Variants in HDAC9 observed in about 807,000 individuals in gnomAD.
The protein encoded by HDAC9 is MEF-2 interacting transcription repressor (MITR) protein.
A neutral mutation model predicts 139.4 loss-of-function variants in HDAC9; 41 were observed. The ratio of observed to expected loss-of-function variants is 0.29; its 90% confidence interval spans 0.23 to 0.38. HDAC9 has a LOEUF of 0.38. HDAC9 is among the 10% of genes least tolerant of loss of function. HDAC9 has a pLI of 1.00. For missense variants in HDAC9, 1,147 were observed against 1,297.0 expected, an observed-to-expected ratio of 0.88 and a Z score of 1.78; for synonymous variants, 517 against 476.2, an observed-to-expected ratio of 1.09 and a Z score of -1.12.
At chr7:18,843,918 G>A (rs1796746063) in intron 21 of HDAC9, among the ~76,000 whole-genome samples, 3 of 152,108 alleles carry the variant, frequency 2.0e-5, no homozygotes, top group Admixed American at 1.3e-4. Flanking sequence ...TCAACTGAAG[G>A]TCTGTTCAGA....
intron 1 of HDAC9, among the ~76,000 whole-genome samples, chr7:18,129,673 T>C (rs1040669263): frequency 1.3e-4 from 20 of 152,178 alleles, no homozygotes; most frequent in Non-Finnish European, 2.4e-4. Context: ...CTGGTTGTGG[T>C]ACTCACTCAT....
At chr7:18,414,411 C>G (rs1305359075) in intron 1 of HDAC9, among the ~76,000 whole-genome samples, 4 of 149,410 alleles carry the variant, frequency 2.7e-5, no homozygotes. Context: ...TTTGCATTGG[C>G]TGGCAGGAAA....
chr7:18,261,294 C>A (rs1391142556), intron 2 of HDAC9, among the ~76,000 whole-genome samples: 3 of 152,024 alleles, frequency 2.0e-5, no homozygotes, highest in Non-Finnish European at 4.4e-5. Context: ...TGTGGCAGAG[C>A]AAGACCCTGT....
intron 1 of HDAC9, among the ~76,000 whole-genome samples, chr7:18,326,004 A>G (rs1456630395): frequency 3.9e-5 from 6 of 152,130 alleles, no homozygotes; most frequent in Non-Finnish European, 7.4e-5. Context: ...TTGTTAAGCC[A>G]CACATCACTG....
chr7:18,465,126 C>T (rs1010517555), intron 1 of HDAC9, among the ~76,000 whole-genome samples: 4 of 152,042 alleles, frequency 2.6e-5, no homozygotes, highest in Middle Eastern at 3.4e-3. Flanking sequence ...TTACCTGATA[C>T]GCCATTATAT....
chr7:18,590,323 C>T lies in HDAC9; in HGVS notation c.265-13C>T. 4 of 1,611,792 alleles carry T rather than the reference C, an allele frequency of 2.5e-6. No individual in the cohort carries two copies. The highest frequency in any genetic ancestry group is 1.1e-5 in the South Asian group (1 of 90,502). ...AGAAATTGCACACTCTCATGTCTTT[C>T]TCTTCTCGCAAGTTGCAACAGGAAC... On this transcript the variant is annotated splice_polypyrimidine_tract_variant and intron_variant, in intron 3 of 25. Coordinates refer to ENST00000686413, the MANE Select transcript of HDAC9 (RefSeq NM_178425.4).
intron 8 of HDAC9, among the ~76,000 whole-genome samples, chr7:18,641,313 C>T (rs1168550097): frequency 6.6e-6 from 1 of 152,034 alleles, no homozygotes; most frequent in Non-Finnish European, 1.5e-5. Flanking sequence ...TAGGCCACCC[C>T]TACCCCAGCA....
intron 1 of HDAC9, among the ~76,000 whole-genome samples, chr7:18,158,090 A>G (rs977147210): frequency 6.6e-6 from 1 of 152,196 alleles, no homozygotes; most frequent in Non-Finnish European, 1.5e-5. Context: ...TATCAGATTT[A>G]AATAGACAAG....
chr7:18,683,605 G>T (rs149566565), intron 12 of HDAC9, among the ~76,000 whole-genome samples: 275 of 152,204 alleles, frequency 1.8e-3, no homozygotes, highest in African/African-American at 6.3e-3. Context: ...GCTGATAATT[G>T]TAATAGTTTA....
intron 14 of HDAC9, among the ~76,000 whole-genome samples, chr7:18,759,838 G>A (rs773285225): frequency 3.3e-5 from 5 of 152,132 alleles, no homozygotes; most frequent in African/African-American, 4.8e-5. Flanking sequence ...ATAAGCAAAG[G>A]TGTTGGACAA....
chr7:18,580,426 A>G (rs1557696), intron 2 of HDAC9, among the ~76,000 whole-genome samples: 53,348 of 152,038 alleles, frequency 0.35, 11,430 homozygotes, highest in Non-Finnish European at 0.47. Context: ...AAAAGTTCTG[A>G]CTGGGCATTT....
At chr7:18,249,239 A>G (rs1229530482) in intron 2 of HDAC9, among the ~76,000 whole-genome samples, 1 of 152,096 alleles carries the variant, frequency 6.6e-6, no homozygotes, top group Non-Finnish European at 1.5e-5. Flanking sequence ...GTGGTGGCTC[A>G]CGCCTGTAAT....
In HDAC9 at chr7:18,764,374, A is replaced by G. The variant is rs751999942; in HGVS notation, c.2164+2097A>G. ...CTCAGTGATCATTGCAACAATTTCA[A>G]TATTGTGTGTGGGCTACGTAAGTAC... On this transcript the variant is annotated intron_variant, in intron 15 of 25. Transcript: ENST00000686413. Among the ~76,000 whole-genome samples the G allele has an allele frequency of 8.5e-5, 13 of 152,256 alleles. No homozygotes were observed. The South Asian group carries it at 1.4e-3, about 17-fold the overall frequency.
intron 17 of HDAC9, among the ~76,000 whole-genome samples, chr7:18,828,910 C>A (rs1795655725): frequency 6.6e-6 from 1 of 152,230 alleles, no homozygotes; most frequent in Non-Finnish European, 1.5e-5. Context: ...CTAGCTGCAC[C>A]TCCCCAAATC....
At chr7:18,858,969 T>G (rs771771778) in intron 21 of HDAC9, among the ~76,000 whole-genome samples, 1 of 152,266 alleles carries the variant, frequency 6.6e-6, no homozygotes, top group Non-Finnish European at 1.5e-5. Context: ...AACACTATTT[T>G]TTCATCCAAA....
intron 21 of HDAC9, among the ~76,000 whole-genome samples, chr7:18,861,201 T>C (rs1412340554): frequency 2.0e-5 from 3 of 152,204 alleles, no homozygotes; most frequent in African/African-American, 7.2e-5. Context: ...AAGGGACATA[T>C]ATAATTACAT....
chr7:18,924,473 AG>A (rs1466522288), intron 22 of HDAC9, among the ~76,000 whole-genome samples: 6 of 152,108 alleles, frequency 3.9e-5, no homozygotes, highest in African/African-American at 1.4e-4. Context: ...TTTTGCCCAG[AG>A]GGTAGATACT....
chr7:19,000,774 T>C lies in HDAC9; in HGVS notation c.*4712T>C, dbSNP rs1220295936. On this transcript the variant is annotated 3_prime_UTR_variant, in exon 26 of 26. Coordinates refer to ENST00000686413, the MANE Select transcript of HDAC9 (RefSeq NM_178425.4). ...TGTAAACTTACAATCTAACAAATAA[T>C]TTTCTTTCAACTCTTCTCTTTTTCT... is the stretch of plus-strand genomic sequence containing the variant. 1 of 152,184 alleles carries C rather than the reference T, an allele frequency of 6.6e-6. No homozygotes were observed. Among genetic ancestry groups the C allele is most frequent in the African/African-American group, 2.4e-5 (1 of 41,454 alleles). 9.4% of individuals were successfully genotyped at this position (152,184 alleles called of 1,614,324 possible).
At chr7:18,746,716 A>G (rs1290546648) in intron 13 of HDAC9, among the ~76,000 whole-genome samples, 1 of 152,122 alleles carries the variant, frequency 6.6e-6, no homozygotes, top group African/African-American at 2.4e-5. Context: ...TCATTAAAAC[A>G]TATTTTTTGA....
Sources: gnomAD v4.1 joint callset for allele counts (sites outside exome capture counted in the v4.1 genomes callset) on GRCh38, gnomAD v4.1.1 for gene constraint, MANE v1.5 for transcripts, NCBI Gene and HGNC (gene_info 2026-07-23, HGNC 2026-07-21) for gene names.